Variants in SPAG16 observed in about 807,000 individuals in gnomAD.
SPAG16 encodes the protein sperm associated antigen 16, also known as sperm-associated antigen 16 protein.
A neutral mutation model predicts 80.4 loss-of-function variants in SPAG16; 86 were observed. That is an observed-to-expected ratio of 1.07 (90% CI 0.90 to 1.28). SPAG16 has a LOEUF of 1.28. SPAG16 is among the 50% of genes most tolerant of loss of function. SPAG16 has a pLI of 0.00. For missense variants in SPAG16, 870 were observed against 765.3 expected (o/e 1.14, Z -1.61); for synonymous variants, 294 against 265.9 (o/e 1.11, Z -1.03).
At chr2:214,044,837 G>C (rs1353142287) in intron 13 of SPAG16, among the ~76,000 whole-genome samples, 3 of 152,200 alleles carry the variant, frequency 2.0e-5, no homozygotes, top group African/African-American at 4.8e-5. Flanking sequence ...TGGAGGAAGT[G>C]TTTAAACCAG....
In SPAG16 at chr2:214,080,379, A is replaced by G. The variant is rs371231025; in HGVS notation, c.1528-27817A>G. The stretch of plus-strand genomic sequence containing the variant: ...TTTGGGAGGCCGAGGCAGGCGGATC[A>G]CAAGGTCAGGAGATCAAGACCATCC... On this transcript the variant is annotated intron_variant, in intron 13 of 15. Transcript: ENST00000331683. Among the ~76,000 whole-genome samples, 63 of 152,048 alleles carry G rather than the reference A, an allele frequency of 4.1e-4. 1 individual carries two copies. In the South Asian group the frequency reaches 0.013, roughly 32 times the overall value.
chr2:214,194,169 G>A (rs2057758697), intron 15 of SPAG16, among the ~76,000 whole-genome samples: 1 of 152,040 alleles, frequency 6.6e-6, no homozygotes, highest in Non-Finnish European at 1.5e-5. Context: ...TTGTCATGGG[G>A]CTTTTGCTTT....
chr2:213,396,143 A>T (rs1429406905), intron 9 of SPAG16, among the ~76,000 whole-genome samples: 1 of 152,106 alleles, frequency 6.6e-6, no homozygotes, highest in African/African-American at 2.4e-5. Context: ...CCTTACTATT[A>T]TTCTTCTTCA....
Position 213,317,202 on chromosome 2 carries a change from G to A in SPAG16, c.399-17G>A, listed in dbSNP as rs769147418. 4 of 1,519,286 alleles carry A rather than the reference G, an allele frequency of 2.6e-6. No individual in the cohort carries two copies. The highest frequency in any genetic ancestry group is 2.7e-6 in the Non-Finnish European group (3 of 1,122,332). The allele number at this position is 1,519,286 out of a possible 1,614,324, so 94.1% of individuals were successfully genotyped here. ...AGAAAGAAATGATATAAACCCTTTT[G>A]TTTGATTTTATCCTAGGTATGAGTT... On this transcript the variant is annotated splice_polypyrimidine_tract_variant and intron_variant, in intron 4 of 15. Coordinates refer to ENST00000331683, the MANE Select transcript of SPAG16 (RefSeq NM_024532.5).
At chr2:213,426,755 GTGT>G (rs2069944255) in intron 9 of SPAG16, among the ~76,000 whole-genome samples, 1 of 42,814 alleles carries the variant, frequency 2.3e-5, no homozygotes, top group African/African-American at 1.7e-4. Flanking sequence ...CATAAATCTG[GTGT>G]GTGTGTGTGT....
chr2:213,893,502 T>C (rs78649698), intron 11 of SPAG16, among the ~76,000 whole-genome samples: 1 of 152,094 alleles, frequency 6.6e-6, no homozygotes, highest in African/African-American at 2.4e-5. Context: ...AAAACAATAA[T>C]AGTTACAGGA....
chr2:213,526,827 A>G (rs1423134144), intron 10 of SPAG16, among the ~76,000 whole-genome samples: 1 of 152,190 alleles, frequency 6.6e-6, no homozygotes. Context: ...TATTGCTACA[A>G]TGTCCTAAAC....
At chr2:213,295,547 G>A (rs903764781) in intron 1 of SPAG16, among the ~76,000 whole-genome samples, 41 of 152,036 alleles carry the variant, frequency 2.7e-4, no homozygotes, top group African/African-American at 9.9e-4. Context: ...ACTGATAAAA[G>A]CATTGATATG....
intron 15 of SPAG16, among the ~76,000 whole-genome samples, chr2:214,346,100 A>G (rs1698030661): frequency 6.6e-6 from 1 of 152,214 alleles, no homozygotes; most frequent in Non-Finnish European, 1.5e-5. Context: ...ATTCAGCTTT[A>G]ATAATTGATG....
intron 10 of SPAG16, among the ~76,000 whole-genome samples, chr2:213,684,584 G>A (rs767684192): frequency 3.3e-5 from 5 of 152,100 alleles, no homozygotes; most frequent in Non-Finnish European, 7.3e-5. Flanking sequence ...CAGTGAAAAT[G>A]TTGCTAAAGT....
chr2:213,916,141 G>A (rs1442739096), intron 11 of SPAG16, among the ~76,000 whole-genome samples: 1 of 152,082 alleles, frequency 6.6e-6, no homozygotes, highest in East Asian at 1.9e-4. Context: ...GTCTATTTTG[G>A]CTTTTGTTGC....
intron 15 of SPAG16, among the ~76,000 whole-genome samples, chr2:214,402,487 T>C (rs1350790628): frequency 6.6e-6 from 1 of 152,010 alleles, no homozygotes; most frequent in Non-Finnish European, 1.5e-5. Context: ...GTTTTTTTTT[T>C]CAGGAACAAT....
At chr2:214,039,976 G>T (rs2048919945) in intron 13 of SPAG16, among the ~76,000 whole-genome samples, 1 of 152,178 alleles carries the variant, frequency 6.6e-6, no homozygotes, top group Non-Finnish European at 1.5e-5. Flanking sequence ...GTAGAAAATT[G>T]TCCTTCTGCA....
intron 14 of SPAG16, among the ~76,000 whole-genome samples, chr2:214,143,451 G>A (rs1443151077): frequency 1.3e-5 from 2 of 151,832 alleles, no homozygotes; most frequent in African/African-American, 2.4e-5. Context: ...TATATTATGA[G>A]GTAGAATCAC....
At chr2:213,750,676 A>T (rs556849019) in intron 10 of SPAG16, among the ~76,000 whole-genome samples, 17 of 152,278 alleles carry the variant, frequency 1.1e-4, no homozygotes, top group African/African-American at 4.1e-4. Context: ...GCTGTTTCCT[A>T]GGACCACTTG....
chr2:213,780,991 G>C (rs1331309182), intron 10 of SPAG16, among the ~76,000 whole-genome samples: 1 of 152,022 alleles, frequency 6.6e-6, no homozygotes, highest in Non-Finnish European at 1.5e-5. Context: ...TTACCTGAAG[G>C]CCCATGTCAA....
rs186728720 is a variant in SPAG16, at chr2:214,043,893, A to G, written c.1527+29816A>G. 1.2e-3 allele frequency among the ~76,000 whole-genome samples: 185 copies of G among 152,270 alleles called. 2 individuals are homozygous for G. Among genetic ancestry groups the G allele is most frequent in the Non-Finnish European group, 2.3e-3 (154 of 67,994 alleles). On this transcript the variant is annotated intron_variant, in intron 13 of 15. Transcript: ENST00000331683. ...CTTATATGTTCATGTAATACACACAAGCATATGTATACATATACCATATAA... is the reference window on the plus strand; with the variant it reads ...CTTATATGTTCATGTAATACACACAGGCATATGTATACATATACCATATAA...
At chr2:213,887,601 T>A (rs1280143252) in intron 11 of SPAG16, among the ~76,000 whole-genome samples, 1 of 151,802 alleles carries the variant, frequency 6.6e-6, no homozygotes, top group Non-Finnish European at 1.5e-5. Context: ...TTCAAAACTT[T>A]CTGCAGTTTA....
intron 11 of SPAG16, among the ~76,000 whole-genome samples, chr2:213,892,979 GA>G (rs2076844215): frequency 6.6e-6 from 1 of 152,016 alleles, no homozygotes; most frequent in Admixed American, 6.6e-5. Context: ...ACATCATACA[GA>G]TTTGACAAAC....
Sources: gnomAD v4.1 joint callset for allele counts (sites outside exome capture counted in the v4.1 genomes callset) on GRCh38, gnomAD v4.1.1 for gene constraint, MANE v1.5 for transcripts, NCBI Gene and HGNC (gene_info 2026-07-23, HGNC 2026-07-21) for gene names.